The following APOL3 variants were observed in gnomAD, a reference collection of about 807,000 sequenced individuals.
APOL3 encodes apolipoprotein L3.
APOL3 carries 14 observed loss-of-function variants against 11.6 expected under a neutral mutation model. That is an observed-to-expected ratio of 1.21 (90% CI 0.80 to 1.89). The LOEUF (loss-of-function observed/expected upper bound fraction) is 1.89, where lower values mean the gene tolerates loss of function less well. Ranked by LOEUF, APOL3 falls within the 40% of genes most tolerant of loss-of-function variation. The probability of loss-of-function intolerance (pLI) is 0.00; values close to 1 mark genes in which losing one functional copy is unlikely to be tolerated. For synonymous variants in APOL3, 192 were observed against 190.6 expected (o/e 1.01, Z -0.06); for missense variants, 483 against 492.1 (o/e 0.98, Z 0.17).
chr22:36,148,347 T>A (rs944204345), intron 1 of APOL3, among the ~76,000 whole-genome samples: 2 of 151,628 alleles, frequency 1.3e-5, no homozygotes, highest in East Asian at 3.9e-4. Context: ...CAGTGGCAGG[T>A]AAAGGGGATG....
At chr22:36,146,409 C>T (rs939826989) in intron 1 of APOL3, 2 of 152,102 alleles carry the variant, frequency 1.3e-5, no homozygotes, top group Non-Finnish European at 2.9e-5. Context: ...TCTTCAAAAT[C>T]TGAGTTTCGA....
chr22:36,149,373 T>G, intron 1 of APOL3: 1 of 1,306,340 alleles, frequency 7.7e-7, no homozygotes, highest in Non-Finnish European at 1.0e-6. Flanking sequence ...CCTTTTGTCC[T>G]GTAGGGGTAT....
exon 3 of APOL3, chr22:36,141,126 C>T (rs552144811): frequency 2.6e-6 from 4 of 1,544,352 alleles, no homozygotes; most frequent in Non-Finnish European, 2.6e-6. Context: ...CTCTTTATCC[C>T]CCTAATAAAA....
chr22:36,150,577 G>A (rs919701560), intron 1 of APOL3, among the ~76,000 whole-genome samples: 2 of 152,184 alleles, frequency 1.3e-5, no homozygotes, highest in African/African-American at 4.8e-5. Flanking sequence ...TGCTGCCAAT[G>A]AAAATGTGAA....
At chr22:36,149,190 G>A (rs2060335688) in intron 1 of APOL3, 48 bp from the exon 2 acceptor site, 1 of 1,331,130 alleles carries the variant, frequency 7.5e-7, no homozygotes, top group South Asian at 1.2e-5. Flanking sequence ...AGCCACCTGT[G>A]GACAGAGGGA....
intron 1 of APOL3, among the ~76,000 whole-genome samples, chr22:36,155,534 G>A (rs1370806605): frequency 6.6e-6 from 1 of 152,122 alleles, no homozygotes; most frequent in African/African-American, 2.4e-5. Flanking sequence ...GTGCTGAGGG[G>A]TTTCTGGGTG....
chr22:36,157,594 TAG>T (rs1051876184), intron 1 of APOL3, among the ~76,000 whole-genome samples: 18 of 152,222 alleles, frequency 1.2e-4, no homozygotes, highest in Non-Finnish European at 2.5e-4. Flanking sequence ...GAAAATTGAA[TAG>T]AGTTTTACCT....
At chr22:36,156,417 A>G (rs771416572) in intron 1 of APOL3, among the ~76,000 whole-genome samples, 4 of 152,236 alleles carry the variant, frequency 2.6e-5, no homozygotes, top group Non-Finnish European at 5.9e-5. Flanking sequence ...AGGAATCTTT[A>G]ATGACCTGCC....
At chr22:36,149,537 G>C (rs974656347) in intron 1 of APOL3, among the ~76,000 whole-genome samples, 2 of 152,224 alleles carry the variant, frequency 1.3e-5, no homozygotes, top group Admixed American at 6.5e-5. Context: ...AGTGTGTACT[G>C]GGTGTCTGTG....
intron 1 of APOL3, among the ~76,000 whole-genome samples, chr22:36,160,403 T>G (rs1449488911): frequency 6.6e-6 from 1 of 152,198 alleles, no homozygotes; most frequent in Admixed American, 6.5e-5. Flanking sequence ...TCACGCAGGC[T>G]GGAACTAGAG....
At chr22:36,165,672 G>A (rs188260862), upstream of APOL3, 12 of 152,092 alleles carry the variant, frequency 7.9e-5, no homozygotes, top group African/African-American at 4.8e-5. Context: ...AGGTTACCGC[G>A]AGGTCTCAAC....
chr22:36,144,409 C>T (rs745870401), intron 2 of APOL3, among the ~76,000 whole-genome samples: 2 of 152,112 alleles, frequency 1.3e-5, no homozygotes, highest in Non-Finnish European at 2.9e-5. Flanking sequence ...CATTCTCAGG[C>T]TTTAACCACA....
exon 3 of APOL3, chr22:36,141,182 G>A: frequency 6.2e-7 from 1 of 1,605,130 alleles, no homozygotes; most frequent in Non-Finnish European, 8.5e-7. Context: ...CTCCCCTGCT[G>A]GCTGCACTGG....
At chr22:36,146,854 G>A (rs1333155231) in intron 1 of APOL3, among the ~76,000 whole-genome samples, 1 of 152,270 alleles carries the variant, frequency 6.6e-6, no homozygotes, top group Non-Finnish European at 1.5e-5. Flanking sequence ...CCCCAAAAAT[G>A]TGTGGTTTGC....
Position 36,142,757 on chromosome 22 carries a change from TAGGTTGAGA to T in APOL3, c.351-708_351-700del, listed in dbSNP as rs570715969. Among the ~76,000 whole-genome samples the T allele has an allele frequency of 6.6e-5, 10 of 152,272 alleles. No individual in the cohort carries two copies. In the South Asian group the frequency reaches 2.1e-3, roughly 32 times the overall value. ...AGAAAGAGCTCTGTACATTGAGGCATAGGTTGAGAAAGACTTTCTCCTTGGCCAAACTCC... is the reference window on the plus strand; with the variant it reads ...AGAAAGAGCTCTGTACATTGAGGCATAAGACTTTCTCCTTGGCCAAACTCC... On this transcript the variant is annotated intron_variant, in intron 2 of 2. Transcript: ENST00000349314.
At chr22:36,143,507 A>C (rs1001117359) in intron 2 of APOL3, among the ~76,000 whole-genome samples, 16 of 152,264 alleles carry the variant, frequency 1.1e-4, no homozygotes, top group Non-Finnish European at 2.4e-4. Context: ...CATTTTGACT[A>C]ACTCTGAGTC....
chr22:36,153,949 C>T (rs1016035100), intron 1 of APOL3, among the ~76,000 whole-genome samples: 15 of 152,228 alleles, frequency 9.9e-5, no homozygotes, highest in South Asian at 2.1e-4. Context: ...TAAATTGAAA[C>T]GTTTTCTGGT....
chr22:36,156,232 C>T (rs1432510900), intron 1 of APOL3, among the ~76,000 whole-genome samples: 1 of 152,058 alleles, frequency 6.6e-6, no homozygotes, highest in Non-Finnish European at 1.5e-5. Context: ...GTAGTGGGAA[C>T]TACAAGTGCA....
At chr22:36,160,802 A>C in exon 1 of APOL3, 1 of 1,614,166 alleles carries the variant, frequency 6.2e-7, no homozygotes, top group Non-Finnish European at 8.5e-7. Context: ...GGAACCCAAA[A>C]GGGAAAGTGA....
Sources: allele counts gnomAD v4.1 joint callset (sites outside exome capture counted in the v4.1 genomes callset), GRCh38; gene constraint gnomAD v4.1.1; transcripts MANE v1.5; gene names NCBI Gene and HGNC (gene_info 2026-07-23, HGNC 2026-07-21).